MTMR7: variants seen among roughly 807,000 people sequenced by gnomAD.
MTMR7 encodes the protein myotubularin related protein 7.
A neutral mutation model predicts 81.2 loss-of-function variants in MTMR7; 76 were observed. The observed-to-expected ratio is 0.94, with a 90% CI of 0.78 to 1.13. MTMR7 has a LOEUF of 1.13. Among genes scored for constraint, MTMR7 ranks in the 50% most tolerant of loss-of-function variants. MTMR7 has a pLI of 0.00. For synonymous variants in MTMR7, 372 were observed against 289.8 expected, an observed-to-expected ratio of 1.28 and a Z score of -2.88; for missense variants, 1,044 against 820.0, an observed-to-expected ratio of 1.27 and a Z score of -3.34.
chr8:17,311,426 A>C, intron 9 of MTMR7, 85 bp downstream of exon 9: 4 of 1,561,366 alleles, frequency 2.6e-6, no homozygotes, highest in Non-Finnish European at 3.5e-6. Context: ...TGGCAAGAAA[A>C]CAGCAGTTGC....
At chr8:17,337,091 G>A (rs1819263684) in intron 6 of MTMR7, among the ~76,000 whole-genome samples, 1 of 152,122 alleles carries the variant, frequency 6.6e-6, no homozygotes, top group South Asian at 2.1e-4. Context: ...AAGTACCTTG[G>A]CTGGGCACCG....
chr8:17,413,174 C>G (rs1478503646), intron 1 of MTMR7, 95 bp downstream of exon 1: 2 of 1,399,600 alleles, frequency 1.4e-6, no homozygotes, highest in African/African-American at 2.8e-5. Flanking sequence ...CCGCCGGTGC[C>G]CCTCAAAGCA....
chr8:17,341,166 T>C (rs1819396615), intron 6 of MTMR7, among the ~76,000 whole-genome samples, 197 bp downstream of exon 6: 1 of 152,224 alleles, frequency 6.6e-6, no homozygotes, highest in South Asian at 2.1e-4. Context: ...TGAAATGTAC[T>C]TGTATAGTTG....
intron 1 of MTMR7, among the ~76,000 whole-genome samples, chr8:17,385,329 A>G (rs967638988): frequency 5.9e-5 from 9 of 151,914 alleles, no homozygotes; most frequent in Non-Finnish European, 8.8e-5. Context: ...CTCATCTTCA[A>G]TTGTAGCTCT....
intron 1 of MTMR7, among the ~76,000 whole-genome samples, chr8:17,384,090 A>C (rs1318248540): frequency 1.3e-5 from 2 of 152,162 alleles, no homozygotes; most frequent in African/African-American, 4.8e-5. Flanking sequence ...AGGGGAAAAA[A>C]GCATACATCT....
intron 1 of MTMR7, among the ~76,000 whole-genome samples, chr8:17,383,362 T>C (rs1465843350): frequency 6.6e-6 from 1 of 152,168 alleles, no homozygotes; most frequent in African/African-American, 2.4e-5. Flanking sequence ...CTTTTACCAC[T>C]GACCACACAA....
intron 3 of MTMR7, 120 bp from the exon 4 acceptor site, chr8:17,361,394 G>A: frequency 6.7e-6 from 7 of 1,037,630 alleles, no homozygotes; most frequent in South Asian, 5.8e-5. Flanking sequence ...CCCACCCCCA[G>A]CACACTCTTG....
chr8:17,324,235 A>G (rs1452938750), intron 7 of MTMR7, among the ~76,000 whole-genome samples: 3 of 152,228 alleles, frequency 2.0e-5, no homozygotes, highest in Non-Finnish European at 4.4e-5. Context: ...CCTGGCATAT[A>G]GAACACTCTC....
At chr8:17,314,079 A>C (rs1373835120) in intron 7 of MTMR7, among the ~76,000 whole-genome samples, 1 of 152,202 alleles carries the variant, frequency 6.6e-6, no homozygotes, top group African/African-American at 2.4e-5. Context: ...AGGTGTATAA[A>C]CACCTCTATA....
In MTMR7 at chr8:17,349,976, T is replaced by A. The variant is rs181624117; in HGVS notation, c.469-895A>T. The stretch of plus-strand genomic sequence containing the variant: ...CTGCAGCAACAATATCTCATGGGGT[T>A]GACAGATGGATCAAATCCGGCAACA... On this transcript the variant is annotated intron_variant, in intron 4 of 13. Coordinates refer to ENST00000180173, the MANE Select transcript of MTMR7 (RefSeq NM_004686.5). Among the ~76,000 whole-genome samples, 409 of 152,296 alleles carry A rather than the reference T, an allele frequency of 2.7e-3. 1 individual carries two copies. The highest frequency in any genetic ancestry group is 4.3e-3 in the Admixed American group (66 of 15,304).
chr8:17,298,838 T>C lies in MTMR7; in HGVS notation c.*1024A>G, dbSNP rs1161217007. On this transcript the variant is annotated 3_prime_UTR_variant, in exon 14 of 14. Transcript: ENST00000180173. ...ACAAAACAAAAATTCTTTTCAGAACTTTCAGCAGTCAGTGGTCATGAGATG... is the reference window on the plus strand; with the variant it reads ...ACAAAACAAAAATTCTTTTCAGAACCTTCAGCAGTCAGTGGTCATGAGATG... 6.6e-6 allele frequency: 1 copy of C among 152,398 alleles called. No individual in the cohort carries two copies. The highest frequency in any genetic ancestry group is 1.5e-5 in the Non-Finnish European group (1 of 68,010). 9.4% of individuals were successfully genotyped at this position (152,398 alleles called of 1,614,324 possible).
intron 7 of MTMR7, among the ~76,000 whole-genome samples, chr8:17,327,004 C>G (rs1315940778): frequency 6.6e-6 from 1 of 152,224 alleles, no homozygotes. Context: ...TGCACATGCT[C>G]TCCTAGTCTT....
At position 17,341,442 on chromosome 8, in the gene MTMR7, T is replaced by C. The variant is rs1350458857; in HGVS notation, c.653A>G (p.Glu218Gly). 2 of 1,614,056 alleles carry C rather than the reference T, an allele frequency of 1.2e-6. No homozygotes were observed. Among genetic ancestry groups the C allele is most frequent in the Admixed American group, 1.7e-5 (1 of 60,002 alleles). ...PLSGFSARCLEDEQMLQAIRK... is the reference protein window; with the variant it reads ...PLSGFSARCLGDEQMLQAIRK... ...AATGGCCTGGAGCATCTGCTCGTCC[T>C]CTAGGCACCGGGCACTGAAGCCGGA... Residue 218 changes from glutamate to glycine, a missense_variant, in exon 6 of 14, where the codon GAG becomes GGG. Coordinates refer to ENST00000180173, the MANE Select transcript of MTMR7 (RefSeq NM_004686.5).
chr8:17,360,087 C>T (rs1585088902), intron 4 of MTMR7, among the ~76,000 whole-genome samples: 1 of 152,100 alleles, frequency 6.6e-6, no homozygotes, highest in Non-Finnish European at 1.5e-5. Flanking sequence ...TACAGCCATA[C>T]TTAGGTAATA....
At chr8:17,303,682 T>TCAC (rs1817272222) in intron 12 of MTMR7, among the ~76,000 whole-genome samples, 1 of 151,636 alleles carries the variant, frequency 6.6e-6, no homozygotes, top group African/African-American at 2.4e-5. Flanking sequence ...CGATCTCGGC[T>TCAC]CACCGCAACC....
intron 3 of MTMR7, among the ~76,000 whole-genome samples, chr8:17,362,610 T>C (rs1446049380): frequency 1.3e-5 from 2 of 152,170 alleles, no homozygotes; most frequent in African/African-American, 4.8e-5. Context: ...CTGCTCCTAA[T>C]TGTAACACAC....
At chr8:17,324,372 C>G (rs1212180080) in intron 7 of MTMR7, among the ~76,000 whole-genome samples, 2 of 152,198 alleles carry the variant, frequency 1.3e-5, no homozygotes, top group African/African-American at 4.8e-5. Context: ...TAGATGCACT[C>G]TCCATCTTCA....
At chr8:17,363,663 G>A (rs1441952904) in intron 3 of MTMR7, among the ~76,000 whole-genome samples, 2 of 151,936 alleles carry the variant, frequency 1.3e-5, no homozygotes, top group African/African-American at 2.4e-5. Context: ...AATTGTACAC[G>A]AGGGCCAGGA....
intron 6 of MTMR7, among the ~76,000 whole-genome samples, chr8:17,331,896 G>C (rs1819021556): frequency 1.3e-5 from 2 of 152,112 alleles, no homozygotes; most frequent in South Asian, 2.1e-4. Flanking sequence ...GATCTATTGG[G>C]CTTTTTGATC....
Sources: allele counts gnomAD v4.1 joint callset (sites outside exome capture counted in the v4.1 genomes callset), GRCh38; gene constraint gnomAD v4.1.1; transcripts MANE v1.5; gene names NCBI Gene and HGNC (gene_info 2026-07-23, HGNC 2026-07-21).